The following SLITRK5 variants were observed in gnomAD, a reference collection of about 807,000 sequenced individuals.
The protein encoded by SLITRK5 is SLIT and NTRK-like protein 5.
Under a neutral mutation model 56.2 loss-of-function variants are expected in SLITRK5, and 23 were observed. The observed-to-expected ratio is 0.41, with a 90% CI of 0.29 to 0.58. SLITRK5 has a LOEUF of 0.58. SLITRK5 is among the 20% of genes least tolerant of loss of function. The pLI is 0.30. For synonymous variants in SLITRK5, 637 were observed against 531.8 expected (o/e 1.20, Z -2.72); for missense variants, 1,289 against 1,226.6 (o/e 1.05, Z -0.76).
intron 1 of SLITRK5, among the ~76,000 whole-genome samples, chr13:87,673,796 T>C (rs1384114808): frequency 6.6e-6 from 1 of 152,088 alleles, no homozygotes; most frequent in East Asian, 1.9e-4. Context: ...TGGAGTCGAC[T>C]TGGGGATCAG....
chr13:87,677,590 C>G lies in SLITRK5; in HGVS notation c.2202C>G (p.Arg734=), dbSNP rs571267150. ...GGHPHAHVHH[R]GPALPKVKTP... ...ACCCACACGCGCACGTGCATCACCG[C>G]GGGCCCGCGCTGCCCAAGGTGAAGA... The change falls in exon 2 of 2, where the codon CGC becomes CGG. Residue 734 remains arginine (R), a synonymous_variant. Coordinates refer to ENST00000683689, the MANE Select transcript of SLITRK5 (RefSeq NM_001384609.1). The surrounding 1 kb of genome is among the most constrained non-coding windows in gnomAD (Gnocchi z 4.7). 6.2e-7 allele frequency: 1 copy of G among 1,609,646 alleles called. No individual in the cohort carries two copies. The highest frequency in any genetic ancestry group is 2.2e-5 in the East Asian group (1 of 44,672).
chr13:87,674,281 A>C, intron 1 of SLITRK5: 1 of 567,652 alleles, frequency 1.8e-6, no homozygotes, highest in Non-Finnish European at 2.2e-6. Context: ...CTGAGATTAA[A>C]AAAAAGAGAG....
rs1393860401 is a variant in SLITRK5 at position 87,677,998 on chromosome 13, C to A, written c.2610C>A (p.Ala870=). 1.9e-6 allele frequency: 3 copies of A among 1,614,144 alleles called. No homozygotes were observed. Among genetic ancestry groups the A allele is most frequent in the East Asian group, 2.2e-5 (1 of 44,864 alleles). The change falls in exon 2 of 2, where the codon GCC becomes GCA. Residue 870 remains alanine (A), a synonymous_variant. Coordinates refer to ENST00000683689, the MANE Select transcript of SLITRK5 (RefSeq NM_001384609.1). The surrounding 1 kb of genome is among the most constrained non-coding windows in gnomAD (Gnocchi z 4.7). The part of the protein sequence containing the change: ...EPDKHCSTTP[A]GNSLPEYPKF... ...ACAAACACTGCTCCACCACCCCCGC[C>A]GGCAATAGCCTCCCGGAATATCCCA...
intron 1 of SLITRK5, among the ~76,000 whole-genome samples, chr13:87,673,840 G>C (rs1038758837): frequency 6.6e-5 from 10 of 152,082 alleles, no homozygotes; most frequent in Non-Finnish European, 1.3e-4. Context: ...CCGCTGTCTC[G>C]GAAACATCTT....
Position 87,676,718 on chromosome 13 carries a change from C to A in SLITRK5, c.1330C>A (p.Arg444Ser). 1.2e-6 allele frequency: 2 copies of A among 1,614,072 alleles called. No homozygotes were observed. Among genetic ancestry groups the A allele is most frequent in the Non-Finnish European group, 8.5e-7 (1 of 1,180,038 alleles). The change falls in exon 2 of 2, where the codon CGC becomes AGC. Residue 444 changes from arginine to serine, a missense_variant. Physicochemically the swap from Arg to Ser is moderately radical, Grantham distance 110. Transcript: ENST00000683689. Reference sequence around the variant, plus strand: ...GGACCTCCTGCACCTGGGGAATAACCGCATCTCGATGATCCAGGACCGCGC... The same window carrying A: ...GGACCTCCTGCACCTGGGGAATAACAGCATCTCGATGATCCAGGACCGCGC... ...GLDLLHLGNN[R>S]ISMIQDRAFG...
Position 87,676,579 on chromosome 13 carries a change from G to A in SLITRK5, c.1191G>A (p.Lys397=). Residue 397 remains lysine (K), a synonymous_variant, in exon 2 of 2, where the codon AAG becomes AAA. Transcript: ENST00000683689. ...TCAACGTAAACTGCCAGGAGCGAAA[G>A]ATCGAGAGCATCGCTGAACTGCAGC... ...LGLNVNCQER[K]IESIAELQPK... is the part of the protein sequence containing the mutation. The A allele has an allele frequency of 1.9e-6, 3 of 1,614,156 alleles. No individual in the cohort carries two copies. The highest frequency in any genetic ancestry group is 2.5e-6 in the Non-Finnish European group (3 of 1,180,050).
At chr13:87,673,414 A>C in intron 1 of SLITRK5, 1 of 462,920 alleles carries the variant, frequency 2.2e-6, no homozygotes, top group Non-Finnish European at 4.1e-6. Context: ...TTAAAGTTGT[A>C]AACGCTGGAG....
At chr13:87,675,199 A>C (rs1427842822) in intron 1 of SLITRK5, among the ~76,000 whole-genome samples, 182 bp from the exon 2 acceptor site, 2 of 152,126 alleles carry the variant, frequency 1.3e-5, no homozygotes, top group Non-Finnish European at 1.5e-5. Flanking sequence ...TTAAATCAAA[A>C]TGTATAATAG....
At position 87,677,099 on chromosome 13, in the gene SLITRK5, A is replaced by T; in HGVS notation, c.1711A>T (p.Ile571Phe). The T allele has an allele frequency of 1.9e-6, 3 of 1,614,140 alleles. No individual in the cohort carries two copies. In the South Asian group the frequency reaches 3.3e-5, roughly 18 times the overall value. ...HDNPWDCTCD[I>F]VGMKLWVEQL... The stretch of plus-strand genomic sequence containing the variant: ...CAATCCTTGGGATTGTACCTGTGAC[A>T]TTGTGGGCATGAAGCTGTGGGTGGA... The change falls in exon 2 of 2, where the codon ATT becomes TTT. Residue 571 changes from isoleucine (I) to phenylalanine (F), a missense_variant. This residue lies in a region of SLITRK5 where 985 missense variants were observed against 906.0 expected (regional missense o/e 1.09). Coordinates refer to ENST00000683689, the MANE Select transcript of SLITRK5 (RefSeq NM_001384609.1). The surrounding 1 kb of genome is among the most constrained non-coding windows in gnomAD (Gnocchi z 4.7).
At position 87,675,958 on chromosome 13, in the gene SLITRK5, C is replaced by T; in HGVS notation, c.570C>T (p.Ser190=). 2 of 1,614,094 alleles carry T rather than the reference C, an allele frequency of 1.2e-6. No individual in the cohort carries two copies. Among genetic ancestry groups the T allele is most frequent in the Non-Finnish European group, 1.7e-6 (2 of 1,180,034 alleles). Residue 190 remains serine, a synonymous_variant, in exon 2 of 2, where the codon TCC becomes TCT. Transcript: ENST00000683689. ...QVLILNDNLL[S]SLPNNLFRFV... The stretch of plus-strand genomic sequence containing the variant: ...TTATCCTCAATGACAATCTTTTGTC[C>T]AGTTTACCCAACAATCTTTTCCGTT...
rs147542179 is a variant in SLITRK5, at chr13:87,675,428, C to A, written c.40C>A (p.Leu14Ile). The change falls in exon 2 of 2, where the codon CTT (leucine) becomes ATT (isoleucine). Residue 14 changes from leucine to isoleucine, a missense_variant. Physicochemically the swap from Leu to Ile is conservative, Grantham distance 5. Around this residue, in one of 3 missense-constraint regions of SLITRK5, gnomAD observed 291 missense variants for 286.7 expected, o/e 1.02. Transcript: ENST00000683689. ...CCCCCCAGTAACTTTGGAACAGGACCTTCACAGAAAAATGCATAGCTGGAT... is the reference window on the plus strand; with the variant it reads ...CCCCCCAGTAACTTTGGAACAGGACATTCACAGAAAAATGCATAGCTGGAT... Reference protein sequence around the residue: ...CCPPVTLEQDLHRKMHSWMLQ... With the variant: ...CCPPVTLEQDIHRKMHSWMLQ... 4.0e-5 allele frequency: 65 copies of A among 1,614,070 alleles called. No individual in the cohort carries two copies. The highest frequency in any genetic ancestry group is 5.3e-5 in the Non-Finnish European group (63 of 1,180,042).
chr13:87,679,383 A>G lies in SLITRK5; in HGVS notation c.*1118A>G, dbSNP rs946951628. 3 of 167,014 alleles carry G rather than the reference A, an allele frequency of 1.8e-5. No individual in the cohort carries two copies. The highest frequency in any genetic ancestry group is 7.2e-5 in the African/African-American group (3 of 41,434). The allele number at this position is 167,014 out of a possible 1,614,324, so 10.3% of individuals were successfully genotyped here. A position where few individuals can be genotyped will look rare whatever the true frequency, so the allele number is the denominator to read the frequency against. ...ATTGTAGCCGATTTTCGATTGTTTA[A>G]CCAAACCCAGTTGCATTTGTACAGA... On this transcript the variant is annotated 3_prime_UTR_variant, in exon 2 of 2. Coordinates refer to ENST00000683689, the MANE Select transcript of SLITRK5 (RefSeq NM_001384609.1).
rs573703934 is a variant in SLITRK5, at chr13:87,677,705, G to A, written c.2317G>A (p.Val773Ile). Residue 773 changes from valine to isoleucine, a missense_variant, in exon 2 of 2, where the codon GTA (valine) becomes ATA (isoleucine). Around this residue, in one of 3 missense-constraint regions of SLITRK5, gnomAD observed 985 missense variants for 906.0 expected, o/e 1.09. Coordinates refer to ENST00000683689, the MANE Select transcript of SLITRK5 (RefSeq NM_001384609.1). The surrounding 1 kb of genome is among the most constrained non-coding windows in gnomAD (Gnocchi z 4.7). ...CTACCGCTCCCGAGAGGGCAACTCC[G>A]TAGAGGATTACAAAGACCTGCACGA... ...PIYRSREGNS[V>I]EDYKDLHELK... The A allele has an allele frequency of 1.9e-5, 30 of 1,610,702 alleles. No individual in the cohort carries two copies. The highest frequency in any genetic ancestry group is 6.7e-5 in the East Asian group (3 of 44,722).
rs745820982 is a variant in SLITRK5, at chr13:87,677,312, C to T, written c.1924C>T (p.Arg642Trp). Residue 642 changes from arginine to tryptophan, a missense_variant, in exon 2 of 2, where the codon CGG becomes TGG. Coordinates refer to ENST00000683689, the MANE Select transcript of SLITRK5 (RefSeq NM_001384609.1). This position sits in a 1 kb window ranked among gnomAD's most constrained non-coding sequence, Gnocchi z 4.7. ...GACCAGCGCCGTGACTCCTGCGGTC[C>T]GGTTGAATAGCACCGGGGCCCCCGC... ...ARTSAVTPAV[R>W]LNSTGAPASL... The T allele has an allele frequency of 6.2e-7, 1 of 1,614,118 alleles. No individual in the cohort carries two copies. The highest frequency in any genetic ancestry group is 1.1e-5 in the South Asian group (1 of 91,086).
chr13:87,677,421 T>C lies in SLITRK5; in HGVS notation c.2033T>C (p.Val678Ala). 1 of 1,613,562 alleles carries C rather than the reference T, an allele frequency of 6.2e-7. No homozygotes were observed. The highest frequency in any genetic ancestry group is 2.2e-5 in the East Asian group (1 of 44,822). ...LSLLLVFIMS[V>A]FVAAGLFVLV... ...CTCCTGCTGGTTTTCATCATGTCCG[T>C]CTTCGTGGCCGCCGGGCTCTTCGTG... Residue 678 changes from valine to alanine, a missense_variant, in exon 2 of 2, where the codon GTC (valine) becomes GCC (alanine). Coordinates refer to ENST00000683689, the MANE Select transcript of SLITRK5 (RefSeq NM_001384609.1). This position sits in a 1 kb window ranked among gnomAD's most constrained non-coding sequence, Gnocchi z 4.7.
At position 87,677,155 on chromosome 13, in the gene SLITRK5, G is replaced by C; in HGVS notation, c.1767G>C (p.Glu589Asp). Reference protein sequence around the residue: ...EQLKVGVLVDEVICKAPKKFA... With the variant: ...EQLKVGVLVDDVICKAPKKFA... ...TCAAAGTGGGCGTCCTAGTGGACGA[G>C]GTGATCTGTAAGGCGCCCAAAAAAT... Residue 589 changes from glutamate to aspartate, a missense_variant, in exon 2 of 2, where the codon GAG (glutamate) becomes GAC (aspartate). Physicochemically the swap from Glu to Asp is conservative, Grantham distance 45. Transcript: ENST00000683689. This position sits in a 1 kb window ranked among gnomAD's most constrained non-coding sequence, Gnocchi z 4.7. 6.2e-7 allele frequency: 1 copy of C among 1,614,192 alleles called. No homozygotes were observed. The highest frequency in any genetic ancestry group is 8.5e-7 in the Non-Finnish European group (1 of 1,180,028).
Position 87,677,755 on chromosome 13 carries a change from C to G in SLITRK5, c.2367C>G (p.Asn789Lys), listed in dbSNP as rs1298950303. ...AGCTCAAGGTCACCTACAGCAGCAA[C>G]CACCACCTGCAGCAGCAGCAGCAGC... ...LHELKVTYSS[N>K]HHLQQQQQPP... is the part of the protein sequence containing the mutation. Residue 789 changes from asparagine to lysine, a missense_variant, in exon 2 of 2, where the codon AAC (asparagine) becomes AAG (lysine). Physicochemically the swap from Asn to Lys is moderately conservative, Grantham distance 94 (BLOSUM62 0). Transcript: ENST00000683689. The surrounding 1 kb of genome is among the most constrained non-coding windows in gnomAD (Gnocchi z 4.7). 6.2e-7 allele frequency: 1 copy of G among 1,612,800 alleles called. No homozygotes were observed. Among genetic ancestry groups the G allele is most frequent in the Admixed American group, 1.7e-5 (1 of 59,990 alleles).
rs1246533018 is a variant in SLITRK5, at chr13:87,671,560, GT to G, written c.-650del. 6.6e-6 allele frequency among the ~76,000 whole-genome samples: 1 copy of G among 151,818 alleles called. No individual in the cohort carries two copies. The highest frequency in any genetic ancestry group is 2.1e-4 in the South Asian group (1 of 4,820). On this transcript the variant is annotated 5_prime_UTR_variant, in exon 1 of 2. Transcript: ENST00000683689. ...GGGAGGAAGACGCAACTTTCTCGGA[GT>G]TTTTTTTAGAGCCACCGGGCTGCCA...
Position 87,676,219 on chromosome 13 carries a change from G to A in SLITRK5, c.831G>A (p.Glu277=). 3 of 1,614,074 alleles carry A rather than the reference G, an allele frequency of 1.9e-6. No individual in the cohort carries two copies. Among genetic ancestry groups the A allele is most frequent in the Middle Eastern group, 3.3e-4 (2 of 6,062 alleles). Residue 277 remains glutamate, a synonymous_variant, in exon 2 of 2, where the codon GAG becomes GAA. Transcript: ENST00000683689. ...GCTTACACGGAAGGGACTTGGACGAGGTATCCAAGCAGGAACTTTGCCCAA... is the reference window on the plus strand; with the variant it reads ...GCTTACACGGAAGGGACTTGGACGAAGTATCCAAGCAGGAACTTTGCCCAA... ...PFRLHGRDLD[E]VSKQELCPRR...
Sources: gnomAD v4.1 joint callset for allele counts (sites outside exome capture counted in the v4.1 genomes callset) on GRCh38, gnomAD v4.1.1 for gene constraint, gnomAD v4.1.1 regional missense constraint, Gnocchi (gnomAD v3.1) non-coding constraint, MANE v1.5 for transcripts, NCBI Gene and HGNC (gene_info 2026-07-23, HGNC 2026-07-21) for gene names.